Variants in GRXCR2 observed in about 807,000 individuals in gnomAD.
GRXCR2 encodes the protein glutaredoxin domain-containing cysteine-rich protein 2.
A neutral mutation model predicts 24.8 loss-of-function variants in GRXCR2; 23 were observed. The ratio of observed to expected loss-of-function variants is 0.93; its 90% confidence interval spans 0.67 to 1.32. The LOEUF (loss-of-function observed/expected upper bound fraction) is 1.32, where lower values mean the gene tolerates loss of function less well. GRXCR2 is among the 40% of genes most tolerant of loss of function. The probability of loss-of-function intolerance (pLI) is 0.00; values close to 1 mark genes in which losing one functional copy is unlikely to be tolerated. For missense variants in GRXCR2, 315 were observed against 303.4 expected (o/e 1.04, Z -0.28); for synonymous variants, 130 against 116.1 (o/e 1.12, Z -0.77).
intron 2 of GRXCR2, among the ~76,000 whole-genome samples, chr5:145,910,483 A>T (rs905172835): frequency 6.6e-6 from 1 of 152,164 alleles, no homozygotes; most frequent in Admixed American, 6.5e-5. Flanking sequence ...ATATAATTAT[A>T]TACCAACTGT....
At chr5:145,874,330 A>C (rs1756580924), upstream of GRXCR2, among the ~76,000 whole-genome samples, 1 of 151,666 alleles carries the variant, frequency 6.6e-6, no homozygotes, top group African/African-American at 2.4e-5. Flanking sequence ...CAGCCTCCCG[A>C]GTAGCTGGGA....
upstream of GRXCR2, among the ~76,000 whole-genome samples, chr5:145,873,222 C>T (rs1204114289): frequency 6.6e-6 from 1 of 152,162 alleles, no homozygotes; most frequent in African/African-American, 2.4e-5. Context: ...ATCCCAAGCT[C>T]ACCATGACTT....
chr5:145,865,411 C>T (rs1222022975), intron 2 of GRXCR2, among the ~76,000 whole-genome samples: 3 of 152,164 alleles, frequency 2.0e-5, no homozygotes, highest in African/African-American at 4.8e-5. Context: ...CAAGGTGGTG[C>T]GTGCACACTT....
intron 2 of GRXCR2, among the ~76,000 whole-genome samples, chr5:145,900,109 G>A (rs1469733481): frequency 6.6e-6 from 1 of 151,926 alleles, no homozygotes; most frequent in African/African-American, 2.4e-5. Flanking sequence ...GATATGGTTT[G>A]GGTTTGTGTC....
At chr5:145,922,459 T>G (rs1353241795) in intron 2 of GRXCR2, among the ~76,000 whole-genome samples, 1 of 152,178 alleles carries the variant, frequency 6.6e-6, no homozygotes, top group Non-Finnish European at 1.5e-5. Context: ...TTCATGATGG[T>G]CTATTTACTT....
chr5:145,901,782 A>G (rs1757027583), intron 2 of GRXCR2, among the ~76,000 whole-genome samples: 1 of 152,128 alleles, frequency 6.6e-6, no homozygotes, highest in Non-Finnish European at 1.5e-5. Flanking sequence ...GAATGTAACT[A>G]ATAGGTTCAT....
intron 2 of GRXCR2, among the ~76,000 whole-genome samples, chr5:145,922,313 T>A (rs887399299): frequency 6.6e-6 from 1 of 152,168 alleles, no homozygotes; most frequent in Non-Finnish European, 1.5e-5. Context: ...AGCTGACTCC[T>A]CCTCATCTCT....
intron 2 of GRXCR2, among the ~76,000 whole-genome samples, chr5:145,928,498 C>G (rs1250126003): frequency 6.6e-6 from 1 of 152,104 alleles, no homozygotes; most frequent in Admixed American, 6.6e-5. Flanking sequence ...GACTTGGAAC[C>G]AAGTCAAATG....
intron 2 of GRXCR2, among the ~76,000 whole-genome samples, chr5:145,904,985 G>C (rs897123764): frequency 6.6e-6 from 1 of 152,128 alleles, no homozygotes; most frequent in Admixed American, 6.6e-5. Flanking sequence ...CATGCACCGT[G>C]ACTTATCCAG....
At chr5:145,894,528 T>C (rs1756919562) in intron 2 of GRXCR2, among the ~76,000 whole-genome samples, 1 of 151,982 alleles carries the variant, frequency 6.6e-6, no homozygotes, top group South Asian at 2.1e-4. Flanking sequence ...AACTAGAAAA[T>C]CTAGAAGAAA....
chr5:145,917,864 C>T (rs1184727344), intron 2 of GRXCR2, among the ~76,000 whole-genome samples: 2 of 152,212 alleles, frequency 1.3e-5, no homozygotes, highest in South Asian at 4.1e-4. Context: ...ACTGCAACCT[C>T]CGCCTCCTGG....
At position 145,884,135 on chromosome 5, in the gene GRXCR2, T is replaced by C. The variant is rs180886495; in HGVS notation, c.-69-17407A>G. On this transcript the variant is annotated intron_variant, in intron 2 of 3. Coordinates refer to the GRXCR2 transcript ENST00000639411. ...GGAATAAACCCCACCTATGAAGTATTCTGGACAAAAATCTTCAATATTTAA... is the reference window on the plus strand; with the variant it reads ...GGAATAAACCCCACCTATGAAGTATCCTGGACAAAAATCTTCAATATTTAA... 8.5e-5 allele frequency among the ~76,000 whole-genome samples: 13 copies of C among 152,258 alleles called. No individual in the cohort carries two copies. The East Asian group carries it at 2.5e-3, about 29-fold the overall frequency.
intron 2 of GRXCR2, among the ~76,000 whole-genome samples, chr5:145,919,037 G>A (rs1387223999): frequency 1.3e-5 from 2 of 152,112 alleles, no homozygotes; most frequent in Non-Finnish European, 2.9e-5. Context: ...TCCAGTTTAC[G>A]GCTTCTGCTT....
In GRXCR2 at chr5:145,920,859, T is replaced by TA. The variant is rs371006399; in HGVS notation, c.-70+14841dup. 3.1e-3 allele frequency among the ~76,000 whole-genome samples: 466 copies of TA among 152,314 alleles called. 1 individual carries two copies. The highest frequency in any genetic ancestry group is 0.011 in the African/African-American group (446 of 41,584). On this transcript the variant is annotated intron_variant, in intron 2 of 3. Transcript: ENST00000639411. ...TTAGGCCATGAGGGCAGAGACCTTATAAAAAAGGCCCAAGAAAAACCCTTC... is the reference window on the plus strand; with the variant it reads ...TTAGGCCATGAGGGCAGAGACCTTATAAAAAAAGGCCCAAGAAAAACCCTTC...
rs947832881 is a variant in GRXCR2 at position 145,920,826 on chromosome 5, G to A, written c.-70+14875C>T. ...ATGTTATTAGGAGGCAGGGCCTTTG[G>A]GAAGCCATTAGGCCATGAGGGCAGA... On this transcript the variant is annotated intron_variant, in intron 2 of 3. Coordinates refer to the GRXCR2 transcript ENST00000639411. 3.3e-5 allele frequency among the ~76,000 whole-genome samples: 5 copies of A among 152,196 alleles called. 1 individual carries two copies. The highest frequency in any genetic ancestry group is 1.3e-4 in the Admixed American group (2 of 15,276).
chr5:145,876,281 CTT>C (rs533734278), upstream of GRXCR2, among the ~76,000 whole-genome samples: 16 of 127,846 alleles, frequency 1.3e-4, no homozygotes, highest in East Asian at 4.5e-4. Flanking sequence ...TATTATTTTC[CTT>C]TTTTTTTTTT....
At chr5:145,886,558 A>G (rs1237016883) in intron 2 of GRXCR2, among the ~76,000 whole-genome samples, 2 of 152,192 alleles carry the variant, frequency 1.3e-5, no homozygotes, top group African/African-American at 4.8e-5. Context: ...TTTGCCCACT[A>G]GAGAACAAGG....
intron 2 of GRXCR2, among the ~76,000 whole-genome samples, chr5:145,908,519 A>G (rs558287259): frequency 1.3e-5 from 2 of 152,348 alleles, no homozygotes; most frequent in African/African-American, 2.4e-5. Flanking sequence ...AATAGGAACT[A>G]TGAATATGGA....
intron 2 of GRXCR2, among the ~76,000 whole-genome samples, chr5:145,880,962 T>C (rs1756691166): frequency 6.6e-6 from 1 of 152,212 alleles, no homozygotes; most frequent in South Asian, 2.1e-4. Flanking sequence ...AGAAAAGGCC[T>C]TTGACAAAAT....
Sources: gnomAD v4.1 joint callset for allele counts (sites outside exome capture counted in the v4.1 genomes callset) on GRCh38, gnomAD v4.1.1 for gene constraint, MANE v1.5 for transcripts, NCBI Gene and HGNC (gene_info 2026-07-23, HGNC 2026-07-21) for gene names.